The following SDK2 variants were observed in gnomAD, a reference collection of about 807,000 sequenced individuals.
SDK2 encodes sidekick cell adhesion molecule 2.
In SDK2, 105 loss-of-function variants were observed where a neutral mutation model predicts 253.9. The ratio of observed to expected loss-of-function variants is 0.41; its 90% CI spans 0.35 to 0.49. The LOEUF (loss-of-function observed/expected upper bound fraction) is 0.49, where lower values mean the gene tolerates loss of function less well. Ranked by LOEUF, SDK2 falls within the 20% of genes least tolerant of loss-of-function variation. The pLI is 0.06. For missense variants in SDK2, 2,608 were observed against 3,003.0 expected, an observed-to-expected ratio of 0.87 and a Z score of 3.07; for synonymous variants, 1,249 against 1,234.9, an observed-to-expected ratio of 1.01 and a Z score of -0.24.
At chr17:73,407,656 T>C (rs913626779) in intron 18 of SDK2, among the ~76,000 whole-genome samples, 2 of 152,200 alleles carry the variant, frequency 1.3e-5, no homozygotes, top group Admixed American at 6.5e-5. Context: ...TAGGCTGGTC[T>C]TGAACTCCTG....
In SDK2 at chr17:73,483,661, GTATATATATATATATATATA is replaced by G. The variant is rs61050632; in HGVS notation, c.225-11463_225-11444del. Among the ~76,000 whole-genome samples, 52 of 70,178 alleles carry G rather than the reference GTATATATATATATATATATA, an allele frequency of 7.4e-4. 1 individual carries two copies. The highest frequency in any genetic ancestry group is 2.5e-3 in the Admixed American group (12 of 4,846). The allele number at this position is 70,178 out of a possible 152,430, so 46.0% of individuals were successfully genotyped here. On this transcript the variant is annotated intron_variant, in intron 2 of 44. Coordinates refer to ENST00000392650, the MANE Select transcript of SDK2 (RefSeq NM_001144952.2). ...TATATATGTGTGTGTGTGTGTGTGTGTATATATATATATATATATATTTATATATATATATATATATATAT... is the reference window on the plus strand; with the variant it reads ...TATATATGTGTGTGTGTGTGTGTGTGTTTATATATATATATATATATATAT...
chr17:73,389,328 C>T (rs1377528398), intron 29 of SDK2, among the ~76,000 whole-genome samples: 5 of 145,676 alleles, frequency 3.4e-5, no homozygotes, highest in African/African-American at 1.1e-4. Context: ...GGGTTACTGA[C>T]ATGTGCCACC....
chr17:73,462,342 T>C (rs534368073), intron 3 of SDK2, among the ~76,000 whole-genome samples: 2 of 152,212 alleles, frequency 1.3e-5, no homozygotes, highest in South Asian at 4.1e-4. Flanking sequence ...TGCATGTATA[T>C]GTTTTATGGT....
In SDK2 at chr17:73,472,186, G is replaced by A. The variant is rs1412871673; in HGVS notation, c.257C>T (p.Ala86Val). ...YMITSLDRTH[A>V]GFYRCIVRNR... Reference sequence around the variant, plus strand: ...CCGCACGATGCAACGGTAAAAGCCAGCGTGGGTGCGGTCCAGGCTGGTGAT... The same window carrying A: ...CCGCACGATGCAACGGTAAAAGCCAACGTGGGTGCGGTCCAGGCTGGTGAT... The change falls in exon 3 of 45, where the codon GCT becomes GTT. Residue 86 changes from alanine (A) to valine (V), a missense_variant. Transcript: ENST00000392650. The A allele has an allele frequency of 6.4e-7, 1 of 1,551,728 alleles. No individual in the cohort carries two copies.
chr17:73,392,660 G>C (rs2062937600), intron 27 of SDK2, among the ~76,000 whole-genome samples: 1 of 152,086 alleles, frequency 6.6e-6, no homozygotes, highest in South Asian at 2.1e-4. Context: ...CGGTTCATTA[G>C]CTTGATGAAT....
At chr17:73,500,331 T>C (rs2063878994) in intron 2 of SDK2, among the ~76,000 whole-genome samples, 1 of 112,842 alleles carries the variant, frequency 8.9e-6, no homozygotes, top group Non-Finnish European at 1.8e-5. Context: ...CCATCCTCCC[T>C]CCATCTCCTC....
At chr17:73,571,717 G>T (rs1488730868) in intron 1 of SDK2, among the ~76,000 whole-genome samples, 2 of 152,200 alleles carry the variant, frequency 1.3e-5, no homozygotes, top group Admixed American at 1.3e-4. Flanking sequence ...ACCGTTTCCC[G>T]CCCGGCCTGC....
At chr17:73,345,136 T>C (rs1319668370) in intron 44 of SDK2, among the ~76,000 whole-genome samples, 2 of 152,102 alleles carry the variant, frequency 1.3e-5, no homozygotes, top group Non-Finnish European at 2.9e-5. Flanking sequence ...CTGGCCAACA[T>C]GGTGAAATCC....
At chr17:73,523,547 A>G (rs139360416) in intron 1 of SDK2, among the ~76,000 whole-genome samples, 3 of 152,078 alleles carry the variant, frequency 2.0e-5, no homozygotes, top group African/African-American at 7.2e-5. Flanking sequence ...GATGGGAACA[A>G]TGTAGCTGCC....
chr17:73,525,374 C>A (rs1316680434), intron 1 of SDK2, among the ~76,000 whole-genome samples: 2 of 152,034 alleles, frequency 1.3e-5, no homozygotes, highest in African/African-American at 4.8e-5. Context: ...ATGGACAAAG[C>A]CAGCAAGGGA....
At chr17:73,539,984 G>A (rs112077879) in intron 1 of SDK2, among the ~76,000 whole-genome samples, 45 of 149,044 alleles carry the variant, frequency 3.0e-4, no homozygotes, top group Non-Finnish European at 1.2e-4. Flanking sequence ...TGTGAGCCAC[G>A]GTACCCAGGA....
rs759027121 is a variant in SDK2, at chr17:73,570,610, C to G, written c.65-63013G>C. Reference sequence around the variant, plus strand: ...CTACCCGTGAGGCACTGAACACCACCATCAGCTCACCGCCATCTCGCAGCC... The same window carrying G: ...CTACCCGTGAGGCACTGAACACCACGATCAGCTCACCGCCATCTCGCAGCC... On this transcript the variant is annotated intron_variant, in intron 1 of 44. Transcript: ENST00000392650. The surrounding 1 kb of genome is among the most constrained non-coding windows in gnomAD (Gnocchi z 4.2). 2.6e-5 allele frequency among the ~76,000 whole-genome samples: 4 copies of G among 152,198 alleles called. No homozygotes were observed. The highest frequency in any genetic ancestry group is 4.4e-5 in the Non-Finnish European group (3 of 68,028).
At chr17:73,522,810 A>G (rs1273080165) in intron 1 of SDK2, among the ~76,000 whole-genome samples, 2 of 152,230 alleles carry the variant, frequency 1.3e-5, no homozygotes, top group African/African-American at 4.8e-5. Flanking sequence ...GAGAGAGCAG[A>G]CTGGGCTCAC....
chr17:73,474,630 A>G (rs1487298976), intron 2 of SDK2, among the ~76,000 whole-genome samples: 2 of 152,216 alleles, frequency 1.3e-5, no homozygotes, highest in African/African-American at 4.8e-5. Flanking sequence ...GCAGTGCCCA[A>G]GCTCTGGTAA....
chr17:73,371,792 T>G (rs543377090), intron 36 of SDK2, among the ~76,000 whole-genome samples: 1 of 152,032 alleles, frequency 6.6e-6, no homozygotes, highest in East Asian at 1.9e-4. Context: ...AAACTCTATC[T>G]CTACTAAAAA....
At chr17:73,466,725 C>A (rs1013142925) in intron 3 of SDK2, among the ~76,000 whole-genome samples, 6 of 145,520 alleles carry the variant, frequency 4.1e-5, no homozygotes, top group African/African-American at 1.6e-4. Flanking sequence ...GCCCCCCCCC[C>A]CCGGCTTAGG....
chr17:73,526,352 A>G (rs946879071), intron 1 of SDK2, among the ~76,000 whole-genome samples: 21 of 152,216 alleles, frequency 1.4e-4, no homozygotes, highest in African/African-American at 4.6e-4. Context: ...GGCTTTGCCA[A>G]TTAGGACCTG....
chr17:73,380,347 T>C (rs1030129569), intron 34 of SDK2, among the ~76,000 whole-genome samples: 1 of 152,174 alleles, frequency 6.6e-6, no homozygotes, highest in Non-Finnish European at 1.5e-5. Flanking sequence ...CCCTCTTGCC[T>C]AAGGCCCTGG....
At chr17:73,412,138 G>GTATATATGTATATATACACA (rs2063142812) in intron 18 of SDK2, among the ~76,000 whole-genome samples, 1 of 23,064 alleles carries the variant, frequency 4.3e-5, no homozygotes, top group Non-Finnish European at 9.8e-5. Context: ...ATGTGTATGT[G>GTATATATGTATATATACACA]TATATGTATA....
Sources: gnomAD v4.1 joint callset for allele counts (sites outside exome capture counted in the v4.1 genomes callset) on GRCh38, gnomAD v4.1.1 for gene constraint, Gnocchi (gnomAD v3.1) non-coding constraint, MANE v1.5 for transcripts, NCBI Gene and HGNC (gene_info 2026-07-23, HGNC 2026-07-21) for gene names.